Variants in ATF3 observed in about 807,000 individuals in gnomAD.
The protein encoded by ATF3 is cyclic AMP-dependent transcription factor ATF-3.
A neutral mutation model predicts 18.4 loss-of-function variants in ATF3; 10 were observed. The ratio of observed to expected loss-of-function variants is 0.54; its 90% CI spans 0.34 to 0.92. The LOEUF is 0.92. Among genes scored for constraint, ATF3 ranks in the 40% least tolerant of loss-of-function variants. ATF3 has a pLI of 0.02. For synonymous variants in ATF3, 78 were observed against 87.9 expected, an observed-to-expected ratio of 0.89 and a Z score of 0.63; for missense variants, 183 against 222.3, an observed-to-expected ratio of 0.82 and a Z score of 1.12.
At position 212,620,498 on chromosome 1, in the gene ATF3, G is replaced by A. The variant is rs1655342011; in HGVS notation, c.*943G>A. On this transcript the variant is annotated 3_prime_UTR_variant, in exon 4 of 4. Transcript: ENST00000341491. ...GTCAGTGGAGCCTGGGTGGTACCCA[G>A]GCTTTAGCATTATTGGATGTCAATA... 6.6e-6 allele frequency: 1 copy of A among 152,644 alleles called. No individual in the cohort carries two copies. The highest frequency in any genetic ancestry group is 1.5e-5 in the Non-Finnish European group (1 of 68,054). The allele number at this position is 152,644 out of a possible 1,614,324, so 9.5% of individuals were successfully genotyped here. A position where few individuals can be genotyped will look rare whatever the true frequency, so the allele number is the denominator to read the frequency against.
At chr1:212,592,520 C>G (rs1330812312) in intron 1 of ATF3, among the ~76,000 whole-genome samples, 2 of 116,014 alleles carry the variant, frequency 1.7e-5, no homozygotes, top group Non-Finnish European at 3.7e-5. Flanking sequence ...TCTATTTTAA[C>G]CTACCATATT....
intron 1 of ATF3, among the ~76,000 whole-genome samples, chr1:212,574,155 C>T (rs1393395344): frequency 6.6e-6 from 1 of 151,516 alleles, no homozygotes; most frequent in African/African-American, 2.4e-5. Context: ...TTTTTCCTTT[C>T]CTTGAAAATA....
rs564032162 is a variant in ATF3 at position 212,594,196 on chromosome 1, C to G, written c.-4-20822C>G. ...GAGCTGACGAGCAGCTGGCCAGCAGCCCCTGCAGATGAGGCCTGGGGAAAT... is the reference window on the plus strand; with the variant it reads ...GAGCTGACGAGCAGCTGGCCAGCAGGCCCTGCAGATGAGGCCTGGGGAAAT... On this transcript the variant is annotated intron_variant, in intron 1 of 3. Transcript: ENST00000366981. Among the ~76,000 whole-genome samples, 5 of 152,330 alleles carry G rather than the reference C, an allele frequency of 3.3e-5. No individual in the cohort carries two copies. In the South Asian group the frequency reaches 1.0e-3, roughly 32 times the overall value.
Position 212,618,921 on chromosome 1 carries a change from G to A in ATF3, c.349-437G>A. 8.0e-7 allele frequency: 1 copy of A among 1,252,592 alleles called. No individual in the cohort carries two copies. The highest frequency in any genetic ancestry group is 1.3e-5 in the South Asian group (1 of 79,910). 77.6% of individuals were successfully genotyped at this position (1,252,592 alleles called of 1,614,324 possible). A position where few individuals can be genotyped will look rare whatever the true frequency, so the allele number is the denominator to read the frequency against. ...CCAAAAGTTCTGTTGATTGCTTCAGGGGATCAGTGAAAATTAGGGAATTTT... is the reference window on the plus strand; with the variant it reads ...CCAAAAGTTCTGTTGATTGCTTCAGAGGATCAGTGAAAATTAGGGAATTTT... On this transcript the variant is annotated intron_variant, in intron 3 of 3. Coordinates refer to ENST00000341491, the MANE Select transcript of ATF3 (RefSeq NM_001674.4). This position sits in a 1 kb window ranked among gnomAD's most constrained non-coding sequence, Gnocchi z 4.4.
chr1:212,599,618 G>C (rs1242617857), intron 1 of ATF3, among the ~76,000 whole-genome samples: 1 of 152,050 alleles, frequency 6.6e-6, no homozygotes, highest in Non-Finnish European at 1.5e-5. Context: ...CATGCTGATG[G>C]CTAGGGGCCA....
chr1:212,611,980 T>C (rs948787866), intron 1 of ATF3, among the ~76,000 whole-genome samples: 1 of 152,196 alleles, frequency 6.6e-6, no homozygotes, highest in Non-Finnish European at 1.5e-5. Flanking sequence ...GATCTCAACT[T>C]TCTGAAAAAT....
intron 1 of ATF3, among the ~76,000 whole-genome samples, chr1:212,602,417 A>G (rs1654509084): frequency 6.6e-6 from 1 of 152,192 alleles, no homozygotes; most frequent in Non-Finnish European, 1.5e-5. Context: ...GACACGATGT[A>G]GAGCCACATT....
intron 1 of ATF3, among the ~76,000 whole-genome samples, chr1:212,582,743 T>C (rs1664707189): frequency 6.6e-6 from 1 of 152,084 alleles, no homozygotes; most frequent in African/African-American, 2.4e-5. Context: ...TTCAGGCAAG[T>C]ATTCCGGCCT....
At position 212,583,253 on chromosome 1, in the gene ATF3, T is replaced by C. The variant is rs188877939; in HGVS notation, c.-5+17770T>C. ...CTGTTTTTTTTTAAGTGATGGGATC[T>C]CGCTATGTTGCCCAGGCTGGTGCAG... On this transcript the variant is annotated intron_variant, in intron 1 of 3. Transcript: ENST00000366981. 2.5e-4 allele frequency among the ~76,000 whole-genome samples: 38 copies of C among 152,262 alleles called. No homozygotes were observed. In the Middle Eastern group the frequency reaches 0.01, roughly 41 times the overall value.
At chr1:212,570,647 C>A (rs953008105) in intron 1 of ATF3, among the ~76,000 whole-genome samples, 1 of 152,176 alleles carries the variant, frequency 6.6e-6, no homozygotes, top group Admixed American at 6.5e-5. Flanking sequence ...CCCATATAGG[C>A]AACCACAGAT....
At chr1:212,595,065 A>G (rs1664964311) in intron 1 of ATF3, among the ~76,000 whole-genome samples, 1 of 152,236 alleles carries the variant, frequency 6.6e-6, no homozygotes, top group African/African-American at 2.4e-5. Flanking sequence ...AAGTAAAAGG[A>G]TATTTTAATA....
At chr1:212,612,032 G>A (rs1442024400) in intron 1 of ATF3, among the ~76,000 whole-genome samples, 10 of 152,180 alleles carry the variant, frequency 6.6e-5, no homozygotes, top group African/African-American at 1.2e-4. Flanking sequence ...GGACACAGCC[G>A]TAGTCTAGGC....
At chr1:212,617,238 G>C (rs35087018) in intron 2 of ATF3, among the ~76,000 whole-genome samples, 1 of 152,194 alleles carries the variant, frequency 6.6e-6, no homozygotes, top group African/African-American at 2.4e-5. Context: ...CTTGGGACCA[G>C]GTGTTGCTCC....
At chr1:212,615,547 C>T (rs1030293436) in intron 2 of ATF3, among the ~76,000 whole-genome samples, 1 of 152,032 alleles carries the variant, frequency 6.6e-6, no homozygotes, top group African/African-American at 2.4e-5. Flanking sequence ...TGGTGGCCCA[C>T]GCTTATAATC....
At position 212,615,069 on chromosome 1, in the gene ATF3, T is replaced by C. The variant is rs1396768999; in HGVS notation, c.48T>C (p.Ala16=). 1.2e-6 allele frequency: 2 copies of C among 1,614,068 alleles called. No individual in the cohort carries two copies. The highest frequency in any genetic ancestry group is 1.3e-5 in the African/African-American group (1 of 74,902). The part of the protein sequence containing the change: ...PGQVSASEVS[A]SAIVPCLSPP... The stretch of plus-strand genomic sequence containing the variant: ...AGGTCTCTGCCTCGGAAGTGAGTGC[T>C]TCTGCCATCGTCCCCTGCCTGTCCC... The change falls in exon 2 of 4, where the codon GCT becomes GCC. Residue 16 remains alanine, a synonymous_variant. Transcript: ENST00000341491.
intron 2 of ATF3, 35 bp downstream of exon 2, chr1:212,615,296 CAT>C: frequency 1.2e-6 from 2 of 1,606,868 alleles, no homozygotes; most frequent in Non-Finnish European, 8.5e-7. Context: ...TCTTTCGGCA[CAT>C]GTTTCGCTCG....
chr1:212,608,033 G>T (rs1288120446), upstream of ATF3, among the ~76,000 whole-genome samples: 2 of 152,184 alleles, frequency 1.3e-5, no homozygotes, highest in Non-Finnish European at 2.9e-5. Context: ...GGTGCCAGCC[G>T]AGGGCTGCCC....
intron 1 of ATF3, among the ~76,000 whole-genome samples, chr1:212,600,042 A>G (rs1654438583): frequency 6.6e-6 from 1 of 152,264 alleles, no homozygotes; most frequent in Non-Finnish European, 1.5e-5. Flanking sequence ...TAATTTCAGT[A>G]CACATAAGAG....
rs76614384 is a variant in ATF3, at chr1:212,568,997, G to A, written c.-5+3514G>A. 1.2e-3 allele frequency among the ~76,000 whole-genome samples: 181 copies of A among 152,252 alleles called. 2 individuals carry two copies. In the East Asian group the frequency reaches 0.032, roughly 27 times the overall value. On this transcript the variant is annotated intron_variant, in intron 1 of 3. Coordinates refer to the ATF3 transcript ENST00000366981. ...GTAAATTTAATATTAATTTAATAGG[G>A]TTTTTAAGTTAGTAGCAGGTTGCTG...
Sources: allele counts gnomAD v4.1 joint callset (sites outside exome capture counted in the v4.1 genomes callset), GRCh38; gene constraint gnomAD v4.1.1; non-coding constraint Gnocchi (gnomAD v3.1); transcripts MANE v1.5; gene names NCBI Gene and HGNC (gene_info 2026-07-23, HGNC 2026-07-21).